The following NRG3 variants were observed in gnomAD, a reference collection of about 807,000 sequenced individuals.
NRG3 encodes the protein neuregulin 3.
In NRG3, 31 loss-of-function variants were observed where a neutral mutation model predicts 66.9. That is an observed-to-expected ratio of 0.46 (90% CI 0.35 to 0.63). NRG3 has a LOEUF of 0.63. Ranked by LOEUF, NRG3 falls within the 20% of genes least tolerant of loss-of-function variation. NRG3 has a pLI of 0.00. For synonymous variants in NRG3, 393 were observed against 359.4 expected, an observed-to-expected ratio of 1.09 and a Z score of -1.06; for missense variants, 910 against 878.9, an observed-to-expected ratio of 1.04 and a Z score of -0.45.
intron 1 of NRG3, among the ~76,000 whole-genome samples, chr10:81,996,454 GA>G (rs1296526717): frequency 6.6e-6 from 1 of 152,128 alleles, no homozygotes; most frequent in Admixed American, 6.6e-5. Context: ...TATGCTTAAT[GA>G]AAAATTAATA....
At chr10:82,006,943 A>T (rs1411056353) in intron 1 of NRG3, among the ~76,000 whole-genome samples, 1 of 152,186 alleles carries the variant, frequency 6.6e-6, no homozygotes, top group African/African-American at 2.4e-5. Context: ...TTTAGCAAAA[A>T]ATTGCCATCT....
chr10:82,283,636 G>T (rs1290358004), intron 1 of NRG3, among the ~76,000 whole-genome samples: 1 of 152,112 alleles, frequency 6.6e-6, no homozygotes, highest in Non-Finnish European at 1.5e-5. Context: ...TACAACCCAT[G>T]ATAATTATAC....
chr10:82,322,039 A>G (rs922243632), intron 1 of NRG3, among the ~76,000 whole-genome samples: 9 of 152,206 alleles, frequency 5.9e-5, no homozygotes, highest in Admixed American at 1.3e-4. Context: ...CCATTATCTT[A>G]TGATATTTTA....
intron 2 of NRG3, among the ~76,000 whole-genome samples, chr10:82,678,484 AT>A (rs1225180133): frequency 2.0e-5 from 3 of 152,110 alleles, no homozygotes; most frequent in African/African-American, 7.2e-5. Context: ...GGAACAGACC[AT>A]TTTCACTTCT....
chr10:82,469,938 T>G (rs990502145), intron 2 of NRG3, among the ~76,000 whole-genome samples: 1 of 152,150 alleles, frequency 6.6e-6, no homozygotes, highest in Non-Finnish European at 1.5e-5. Context: ...AGAAACGCAA[T>G]GTAGTGGCAA....
chr10:82,141,408 G>A (rs1185171035), intron 1 of NRG3, among the ~76,000 whole-genome samples: 2 of 152,164 alleles, frequency 1.3e-5, no homozygotes, highest in Non-Finnish European at 2.9e-5. Context: ...GTCAGCCAAA[G>A]TGCTAGAGAT....
At chr10:82,862,346 C>T (rs2064174722) in intron 3 of NRG3, among the ~76,000 whole-genome samples, 2 of 152,314 alleles carry the variant, frequency 1.3e-5, no homozygotes, top group Admixed American at 1.3e-4. Context: ...GGGGCAGAGA[C>T]TCCTCCAGTG....
intron 2 of NRG3, among the ~76,000 whole-genome samples, chr10:82,737,185 G>A (rs1361663357): frequency 1.3e-5 from 2 of 152,032 alleles, no homozygotes; most frequent in Non-Finnish European, 2.9e-5. Context: ...TAACATGTTG[G>A]ATATCTGGAA....
At chr10:82,514,466 A>G (rs11194817) in intron 2 of NRG3, among the ~76,000 whole-genome samples, 8,933 of 152,094 alleles carry the variant, frequency 0.059, 571 homozygotes, top group East Asian at 0.17. Context: ...GCTTGTTTTC[A>G]TCAGGTTTGT....
chr10:82,204,507 G>A (rs1473253985), intron 1 of NRG3, among the ~76,000 whole-genome samples: 1 of 152,140 alleles, frequency 6.6e-6, no homozygotes, highest in Admixed American at 6.5e-5. Flanking sequence ...TTTCTGCAGT[G>A]TTTCCTTTAC....
intron 6 of NRG3, among the ~76,000 whole-genome samples, chr10:82,972,406 T>G (rs1446159740): frequency 6.6e-6 from 1 of 152,174 alleles, no homozygotes; most frequent in Non-Finnish European, 1.5e-5. Context: ...CTTTGGACTT[T>G]ACTTTCAAGC....
At chr10:82,430,123 A>C (rs976286471) in intron 2 of NRG3, among the ~76,000 whole-genome samples, 1 of 152,158 alleles carries the variant, frequency 6.6e-6, no homozygotes, top group Non-Finnish European at 1.5e-5. Flanking sequence ...TTCTTTAAAC[A>C]TATTTATAAT....
At chr10:82,313,924 T>G (rs1256529532) in intron 1 of NRG3, among the ~76,000 whole-genome samples, 1 of 152,184 alleles carries the variant, frequency 6.6e-6, no homozygotes, top group Non-Finnish European at 1.5e-5. Flanking sequence ...CTGACCCATT[T>G]TTTCCACTCT....
At chr10:82,662,444 C>T (rs2052441170) in intron 2 of NRG3, among the ~76,000 whole-genome samples, 1 of 150,608 alleles carries the variant, frequency 6.6e-6, no homozygotes, top group African/African-American at 2.5e-5. Context: ...ATCCTATCCT[C>T]TAAAAGATGC....
intron 2 of NRG3, among the ~76,000 whole-genome samples, chr10:82,718,290 C>T (rs1179482451): frequency 6.6e-6 from 1 of 152,160 alleles, no homozygotes; most frequent in African/African-American, 2.4e-5. Context: ...TTCACCTGTG[C>T]AATCAATTGT....
At chr10:82,933,635 G>A (rs1399735637) in intron 4 of NRG3, among the ~76,000 whole-genome samples, 4 of 152,086 alleles carry the variant, frequency 2.6e-5, no homozygotes, top group Non-Finnish European at 5.9e-5. Flanking sequence ...ATGCATCAGG[G>A]AACCCAATAA....
At chr10:82,759,366 A>G (rs2059213394) in intron 3 of NRG3, among the ~76,000 whole-genome samples, 2 of 152,044 alleles carry the variant, frequency 1.3e-5, no homozygotes, top group South Asian at 4.1e-4. Context: ...TTTTGTTTGT[A>G]GAAAATCTTG....
rs191506710 is a variant in NRG3, at chr10:82,835,779, G to T, written c.1028-29632G>T. Among the ~76,000 whole-genome samples, 564 of 152,262 alleles carry T rather than the reference G, an allele frequency of 3.7e-3. 2 individuals are homozygous for T. Among genetic ancestry groups the T allele is most frequent in the African/African-American group, 8.9e-3 (368 of 41,572 alleles). On this transcript the variant is annotated intron_variant, in intron 3 of 8. Transcript: ENST00000372141. ...AGAATCCCTTTGTAAGTTTTTCAAA[G>T]ATTTGCTTTGTTCAGATCTCTGAAC...
At chr10:82,355,362 C>A (rs1169470567) in intron 1 of NRG3, among the ~76,000 whole-genome samples, 1 of 152,080 alleles carries the variant, frequency 6.6e-6, no homozygotes, top group Non-Finnish European at 1.5e-5. Flanking sequence ...AGAATTGCAC[C>A]TTACATTTTA....
Sources: allele counts gnomAD v4.1 joint callset (sites outside exome capture counted in the v4.1 genomes callset), GRCh38; gene constraint gnomAD v4.1.1; transcripts MANE v1.5; gene names NCBI Gene and HGNC (gene_info 2026-07-23, HGNC 2026-07-21).